KCNT2: variants seen among roughly 807,000 people sequenced by gnomAD.
The protein encoded by KCNT2 is potassium sodium-activated channel subfamily T member 2.
KCNT2 carries 67 observed loss-of-function variants against 153.8 expected under a neutral mutation model. That is an observed-to-expected ratio of 0.44 (90% CI 0.36 to 0.53). KCNT2 has a LOEUF of 0.53. Among genes scored for constraint, KCNT2 ranks in the 20% least tolerant of loss-of-function variants. The pLI, the probability that KCNT2 is intolerant of heterozygous loss-of-function variation, is 0.00. For synonymous variants in KCNT2, 500 were observed against 458.8 expected (o/e 1.09, Z -1.15); for missense variants, 975 against 1,354.8 (o/e 0.72, Z 4.40).
chr1:196,444,316 C>T (rs1675499953), intron 8 of KCNT2, among the ~76,000 whole-genome samples: 1 of 151,392 alleles, frequency 6.6e-6, no homozygotes, highest in Admixed American at 6.6e-5. Flanking sequence ...TACCTTTACT[C>T]CCTTCCCAGT....
At chr1:196,434,321 A>G (rs1405349761) in intron 8 of KCNT2, among the ~76,000 whole-genome samples, 5 of 152,056 alleles carry the variant, frequency 3.3e-5, no homozygotes, top group Non-Finnish European at 7.4e-5. Context: ...TAATGATTCA[A>G]ATATTGAGTG....
chr1:196,398,692 A>G (rs752912155), intron 12 of KCNT2, 21 bp from the exon 13 acceptor site: 1 of 1,201,078 alleles, frequency 8.3e-7, no homozygotes, highest in South Asian at 1.3e-5. Context: ...CAAAATAAAA[A>G]CATCATAGCA....
chr1:196,565,629 T>C (rs1000038451), intron 1 of KCNT2, among the ~76,000 whole-genome samples: 3 of 150,090 alleles, frequency 2.0e-5, no homozygotes, highest in Non-Finnish European at 4.5e-5. Context: ...GTTGTATATA[T>C]TATCATCACT....
chr1:196,461,567 T>C (rs536295022), intron 8 of KCNT2, among the ~76,000 whole-genome samples: 1 of 151,934 alleles, frequency 6.6e-6, no homozygotes, highest in South Asian at 2.1e-4. Flanking sequence ...TTATAAATGA[T>C]AGTGCTTATT....
At chr1:196,299,262 A>G (rs1362768278) in intron 22 of KCNT2, among the ~76,000 whole-genome samples, 1 of 151,944 alleles carries the variant, frequency 6.6e-6, no homozygotes, top group African/African-American at 2.4e-5. Flanking sequence ...TGTTACACCT[A>G]CTTTGTTGGG....
rs1280467494 is a variant in KCNT2, at chr1:196,428,310, G to A, written c.820-41C>T. The A allele has an allele frequency of 4.8e-6, 7 of 1,452,890 alleles. No individual in the cohort carries two copies. In the Admixed American group the frequency reaches 6.9e-5, roughly 14 times the overall value. The allele number at this position is 1,452,890 out of a possible 1,614,324, so 90.0% of individuals were successfully genotyped here. The stretch of plus-strand genomic sequence containing the variant: ...CACATGTGAATGAAAAACACAGTAA[G>A]GAAATAAATAAATCAATGCAATACA... On this transcript the variant is annotated intron_variant, in intron 9 of 27. Coordinates refer to ENST00000294725, the MANE Select transcript of KCNT2 (RefSeq NM_198503.5).
At chr1:196,260,378 A>G (rs1469087685) in intron 25 of KCNT2, among the ~76,000 whole-genome samples, 6 of 151,896 alleles carry the variant, frequency 4.0e-5, no homozygotes, top group South Asian at 2.1e-4. Context: ...TTTCTTAGCC[A>G]TGTGTATCAG....
At chr1:196,417,332 A>G (rs533728165) in intron 12 of KCNT2, among the ~76,000 whole-genome samples, 47 of 152,170 alleles carry the variant, frequency 3.1e-4, no homozygotes, top group African/African-American at 9.1e-4. Flanking sequence ...CAAATCAATG[A>G]TTTTTTCCTA....
intron 1 of KCNT2, among the ~76,000 whole-genome samples, chr1:196,530,986 C>T (rs533031567): frequency 7.2e-5 from 11 of 152,152 alleles, no homozygotes; most frequent in African/African-American, 2.4e-4. Flanking sequence ...TCCGATAAAA[C>T]TTAGAAGGAT....
At chr1:196,318,900 A>G (rs1009265907) in intron 20 of KCNT2, among the ~76,000 whole-genome samples, 1 of 151,734 alleles carries the variant, frequency 6.6e-6, no homozygotes, top group Non-Finnish European at 1.5e-5. Flanking sequence ...TATTTCAAGT[A>G]TATTAGCGTT....
At chr1:196,515,057 C>G (rs1158150535) in intron 1 of KCNT2, among the ~76,000 whole-genome samples, 1 of 152,138 alleles carries the variant, frequency 6.6e-6, no homozygotes, top group East Asian at 1.9e-4. Flanking sequence ...AAAATATGTT[C>G]TAAAATACCA....
intron 1 of KCNT2, among the ~76,000 whole-genome samples, chr1:196,594,344 A>G (rs1558118045): frequency 6.6e-6 from 1 of 152,186 alleles, no homozygotes; most frequent in Non-Finnish European, 1.5e-5. Context: ...GCTTAGAATG[A>G]ACATTAAAAA....
chr1:196,410,163 G>T (rs573822905), intron 12 of KCNT2, among the ~76,000 whole-genome samples: 99 of 151,700 alleles, frequency 6.5e-4, no homozygotes, highest in Middle Eastern at 3.4e-3. Context: ...TCGTGTGTGT[G>T]TGTGTTTGGT....
At chr1:196,311,218 C>G (rs888115898) in intron 21 of KCNT2, among the ~76,000 whole-genome samples, 3 of 151,750 alleles carry the variant, frequency 2.0e-5, no homozygotes, top group African/African-American at 7.3e-5. Context: ...TGGCTTAATA[C>G]CTTCTCTGTT....
chr1:196,604,076 A>T (rs1353924465), intron 1 of KCNT2, among the ~76,000 whole-genome samples: 1 of 152,242 alleles, frequency 6.6e-6, no homozygotes, highest in Non-Finnish European at 1.5e-5. Flanking sequence ...TTGGTGCCAG[A>T]AGTTGAATAT....
At chr1:196,306,421 G>A (rs1446095385) in intron 21 of KCNT2, among the ~76,000 whole-genome samples, 1 of 152,046 alleles carries the variant, frequency 6.6e-6, no homozygotes, top group Admixed American at 6.6e-5. Context: ...CCATGTGCCC[G>A]AGTGCTTGAT....
rs907318862 is a variant in KCNT2, at chr1:196,528,994, T to C, written c.96-36653A>G. Among the ~76,000 whole-genome samples, 4 of 136,998 alleles carry C rather than the reference T, an allele frequency of 2.9e-5. 1 individual carries two copies. Among genetic ancestry groups the C allele is most frequent in the African/African-American group, 1.5e-4 (4 of 27,274 alleles). 89.9% of individuals were successfully genotyped at this position (136,998 alleles called of 152,430 possible). On this transcript the variant is annotated intron_variant, in intron 1 of 27. Coordinates refer to ENST00000294725, the MANE Select transcript of KCNT2 (RefSeq NM_198503.5). ...AAAATAAATAATGTGACTGAATAAC[T>C]TTTTAGAAAAAATGTTGATTGTAAC...
intron 22 of KCNT2, among the ~76,000 whole-genome samples, chr1:196,299,919 G>T (rs1661023645): frequency 6.6e-6 from 1 of 152,270 alleles, no homozygotes; most frequent in South Asian, 2.1e-4. Context: ...TTATGGATCT[G>T]TAAAAATAAT....
intron 8 of KCNT2, among the ~76,000 whole-genome samples, chr1:196,439,285 T>TA (rs1053154918): frequency 1.3e-5 from 2 of 151,954 alleles, no homozygotes; most frequent in African/African-American, 4.8e-5. Flanking sequence ...TTCAGGTAAA[T>TA]ACGTGTTTAA....
Sources: allele counts gnomAD v4.1 joint callset (sites outside exome capture counted in the v4.1 genomes callset), GRCh38; gene constraint gnomAD v4.1.1; transcripts MANE v1.5; gene names NCBI Gene and HGNC (gene_info 2026-07-23, HGNC 2026-07-21).